The following FRMD5 variants were observed in gnomAD, a reference collection of about 807,000 sequenced individuals.
FRMD5 encodes the protein FERM domain-containing protein 5.
FRMD5 carries 20 observed loss-of-function variants against 69.0 expected under a neutral mutation model. That is an observed-to-expected ratio of 0.29 (90% CI 0.20 to 0.42). The LOEUF (loss-of-function observed/expected upper bound fraction) is 0.42, where lower values mean the gene tolerates loss of function less well. Among genes scored for constraint, FRMD5 ranks in the 10% least tolerant of loss-of-function variants. FRMD5 has a pLI of 1.00. For synonymous variants in FRMD5, 271 were observed against 260.1 expected (o/e 1.04, Z -0.40); for missense variants, 595 against 708.6 (o/e 0.84, Z 1.82).
At chr15:43,954,712 CT>C (rs988466302) in intron 1 of FRMD5, among the ~76,000 whole-genome samples, 19 of 152,200 alleles carry the variant, frequency 1.2e-4, no homozygotes, top group African/African-American at 1.9e-4. Flanking sequence ...ATGAAATACC[CT>C]TGTTTAACAG....
At chr15:43,879,289 C>T (rs2088457787) in intron 13 of FRMD5, among the ~76,000 whole-genome samples, 1 of 152,130 alleles carries the variant, frequency 6.6e-6, no homozygotes, top group African/African-American at 2.4e-5. Flanking sequence ...CAGTAAATAT[C>T]AGTTGGTCTC....
chr15:44,074,000 A>C (rs1893650018), intron 1 of FRMD5, among the ~76,000 whole-genome samples: 1 of 152,164 alleles, frequency 6.6e-6, no homozygotes, highest in Admixed American at 6.5e-5. Flanking sequence ...CTTAAAAAGG[A>C]GCCAAGAACT....
chr15:44,018,805 G>A (rs1214522584), intron 1 of FRMD5, among the ~76,000 whole-genome samples: 1 of 152,196 alleles, frequency 6.6e-6, no homozygotes, highest in East Asian at 1.9e-4. Context: ...TACTGACCTA[G>A]GCAGTTTATT....
chr15:44,032,678 C>T (rs1456668183), intron 1 of FRMD5, among the ~76,000 whole-genome samples: 1 of 152,096 alleles, frequency 6.6e-6, no homozygotes. Context: ...GTCAGAAAGG[C>T]TATTATTAAA....
At chr15:44,066,839 AG>A (rs1176144406) in intron 1 of FRMD5, among the ~76,000 whole-genome samples, 10 of 152,192 alleles carry the variant, frequency 6.6e-5, no homozygotes, top group Non-Finnish European at 1.2e-4. Flanking sequence ...TTAAAAGTAA[AG>A]GGAAGGAGTC....
chr15:43,915,643 G>A (rs2089373265), intron 4 of FRMD5, among the ~76,000 whole-genome samples: 1 of 152,100 alleles, frequency 6.6e-6, no homozygotes, highest in Admixed American at 6.6e-5. Flanking sequence ...GCCTAGACAA[G>A]AAAATCTGTT....
At chr15:43,878,932 C>CTTTTTTTTTTTTTTTT (rs71421808) in intron 13 of FRMD5, among the ~76,000 whole-genome samples, 9 of 112,902 alleles carry the variant, frequency 8.0e-5, no homozygotes, top group Non-Finnish European at 1.2e-4. Context: ...TTTTTCTTTT[C>CTTTTTTTTTTTTTTTT]TTTTTTTTTT....
At chr15:43,896,176 C>T (rs2088907208) in intron 7 of FRMD5, among the ~76,000 whole-genome samples, 1 of 152,200 alleles carries the variant, frequency 6.6e-6, no homozygotes, top group South Asian at 2.1e-4. Context: ...CTACACTCTG[C>T]AGCAGGTAAC....
chr15:44,145,391 A>G (rs1475284603), intron 1 of FRMD5, among the ~76,000 whole-genome samples: 2 of 152,192 alleles, frequency 1.3e-5, no homozygotes, highest in African/African-American at 4.8e-5. Flanking sequence ...TTACTATTAT[A>G]TTTATTTGAA....
chr15:44,169,810 G>C (rs1295087443), intron 1 of FRMD5, among the ~76,000 whole-genome samples: 2 of 152,012 alleles, frequency 1.3e-5, no homozygotes, highest in Non-Finnish European at 2.9e-5. Flanking sequence ...TAAAAATATG[G>C]TAACTATAAC....
At chr15:44,045,162 CAGTTCAGTGT>C (rs1892374230) in intron 1 of FRMD5, among the ~76,000 whole-genome samples, 1 of 152,160 alleles carries the variant, frequency 6.6e-6, no homozygotes, top group Non-Finnish European at 1.5e-5. Context: ...ACTAAATGTT[CAGTTCAGTGT>C]AAAGTGTATT....
chr15:44,035,741 C>T (rs993613233), intron 1 of FRMD5, among the ~76,000 whole-genome samples: 2 of 152,088 alleles, frequency 1.3e-5, no homozygotes, highest in Non-Finnish European at 2.9e-5. Flanking sequence ...TTCTTTGGAC[C>T]AACTGCCACC....
intron 1 of FRMD5, among the ~76,000 whole-genome samples, chr15:44,081,276 C>T (rs1013953396): frequency 6.6e-6 from 1 of 152,098 alleles, no homozygotes; most frequent in Non-Finnish European, 1.5e-5. Context: ...TAGTTTTGAA[C>T]AGCTTGTTCT....
intron 4 of FRMD5, among the ~76,000 whole-genome samples, chr15:43,911,572 G>A (rs752544426): frequency 1.4e-4 from 21 of 152,166 alleles, no homozygotes; most frequent in Non-Finnish European, 2.9e-4. Flanking sequence ...GCAACCTCGT[G>A]ATTGACCCTG....
chr15:44,015,820 C>T (rs945978776), intron 1 of FRMD5, among the ~76,000 whole-genome samples: 56 of 152,138 alleles, frequency 3.7e-4, no homozygotes, highest in African/African-American at 1.4e-3. Context: ...CTTGCCTTTG[C>T]CCAGTATTCA....
chr15:43,959,769 C>T (rs866163298), intron 1 of FRMD5, among the ~76,000 whole-genome samples: 1 of 152,044 alleles, frequency 6.6e-6, no homozygotes, highest in Non-Finnish European at 1.5e-5. Flanking sequence ...TTTTCCTAGA[C>T]ATTTTTGCTT....
intron 1 of FRMD5, among the ~76,000 whole-genome samples, chr15:44,089,892 G>A (rs1415447348): frequency 6.6e-6 from 1 of 152,192 alleles, no homozygotes; most frequent in East Asian, 1.9e-4. Flanking sequence ...AAGAGAAAGT[G>A]GCTGATTAGG....
chr15:43,955,494 T>A (rs1322864741), intron 1 of FRMD5, among the ~76,000 whole-genome samples: 1 of 152,234 alleles, frequency 6.6e-6, no homozygotes, highest in East Asian at 1.9e-4. Flanking sequence ...GGATTTCTTA[T>A]TGATGAGATT....
intron 7 of FRMD5, among the ~76,000 whole-genome samples, chr15:43,897,354 G>A (rs2088935091): frequency 6.6e-6 from 1 of 151,878 alleles, no homozygotes; most frequent in Non-Finnish European, 1.5e-5. Context: ...GGGCGTGGTA[G>A]TGTGCACCTG....
Sources: gnomAD v4.1 joint callset for allele counts (sites outside exome capture counted in the v4.1 genomes callset) on GRCh38, gnomAD v4.1.1 for gene constraint, MANE v1.5 for transcripts, NCBI Gene and HGNC (gene_info 2026-07-23, HGNC 2026-07-21) for gene names.